FRMPD4: variants seen among roughly 807,000 people sequenced by gnomAD.
FRMPD4 encodes the protein FERM and PDZ domain-containing protein 4.
FRMPD4 carries 22 observed loss-of-function variants against 94.1 expected under a neutral mutation model. The ratio of observed to expected loss-of-function variants is 0.23; its 90% confidence interval spans 0.17 to 0.33. The LOEUF is 0.33. Ranked by LOEUF, FRMPD4 falls within the 10% of genes least tolerant of loss-of-function variation. The pLI, the probability that FRMPD4 is intolerant of heterozygous loss-of-function variation, is 1.00. For synonymous variants in FRMPD4, 631 were observed against 548.6 expected (o/e 1.15, Z -2.10); for missense variants, 1,111 against 1,339.9 (o/e 0.83, Z 2.67).
intron 1 of FRMPD4, among the ~76,000 whole-genome samples, chrX:12,470,252 A>G (rs2057495075): frequency 8.9e-6 from 1 of 112,178 alleles, no homozygotes; most frequent in Non-Finnish European, 1.9e-5. Context: ...CTTTCTGTTC[A>G]AACACAATTG....
At chrX:11,983,956 T>G (rs1041691745) in intron 3 of FRMPD4, among the ~76,000 whole-genome samples, 4 of 112,039 alleles carry the variant, frequency 3.6e-5, no homozygotes, top group Non-Finnish European at 7.5e-5. Flanking sequence ...AATTTAACCA[T>G]GCCAGTGTAG....
chrX:12,238,189 A>G (rs985192339), intron 1 of FRMPD4, among the ~76,000 whole-genome samples: 1 of 111,660 alleles, frequency 9.0e-6, no homozygotes, highest in African/African-American at 3.3e-5. Context: ...CAATGGTGCC[A>G]TCTCAGCTCA....
chrX:12,204,761 C>A (rs148123153), intron 1 of FRMPD4, among the ~76,000 whole-genome samples: 3,076 of 110,839 alleles, frequency 0.028, 108 homozygotes, highest in African/African-American at 0.096. Flanking sequence ...TTTAAACATT[C>A]TCCTCTTTCT....
intron 3 of FRMPD4, among the ~76,000 whole-genome samples, chrX:11,886,994 C>T (rs1293444903): frequency 9.0e-6 from 1 of 111,130 alleles, no homozygotes; most frequent in Non-Finnish European, 1.9e-5. Flanking sequence ...AGCATTCTCA[C>T]AATCATCTAG....
intron 3 of FRMPD4, among the ~76,000 whole-genome samples, chrX:12,129,257 G>T (rs1233517399): frequency 1.8e-5 from 2 of 111,876 alleles, no homozygotes; most frequent in Admixed American, 1.9e-4. Context: ...AATTCTGCAT[G>T]GTTGGGGAGG....
chrX:12,080,257 C>A (rs1025925958), intron 3 of FRMPD4, among the ~76,000 whole-genome samples: 1 of 112,532 alleles, frequency 8.9e-6, no homozygotes, highest in Admixed American at 9.4e-5. Context: ...ACATTGCAGT[C>A]TTGGTTTACA....
In FRMPD4 at chrX:12,717,682, G is replaced by A. The variant is rs369394097; in HGVS notation, c.2856G>A (p.Glu952=). 1.9e-5 allele frequency: 23 copies of A among 1,209,939 alleles called. No homozygotes were observed. In the African/African-American group the frequency reaches 3.8e-4, roughly 20 times the overall value. Residue 952 remains glutamate, a synonymous_variant, in exon 16 of 17, where the codon GAG becomes GAA. Transcript: ENST00000675598. The part of the protein sequence containing the change: ...GYHPLAEEQT[E]FPASKTPAGG... The stretch of plus-strand genomic sequence containing the variant: ...ACCCCCTTGCAGAAGAGCAGACCGA[G>A]TTCCCGGCCTCCAAGACCCCCGCTG...
intron 3 of FRMPD4, among the ~76,000 whole-genome samples, chrX:11,908,725 C>T (rs1170974464): frequency 8.9e-6 from 1 of 111,961 alleles, no homozygotes; most frequent in Non-Finnish European, 1.9e-5. Context: ...ACTAGTTTTT[C>T]ATGAATAAAT....
chrX:12,718,348 C>T lies in FRMPD4; in HGVS notation c.3522C>T (p.Cys1174=), dbSNP rs775346589. The T allele has an allele frequency of 1.4e-5, 17 of 1,210,019 alleles. No homozygotes were observed. In the Admixed American group the frequency reaches 1.5e-4, roughly 11 times the overall value. Residue 1174 remains cysteine, a synonymous_variant, in exon 16 of 17, where the codon TGC becomes TGT. Coordinates refer to ENST00000675598, the MANE Select transcript of FRMPD4 (RefSeq NM_001368397.1). ...CAGAGGACGCTGACTCGTCCACCTG[C>T]GACCATCCTTCCAAGCTTCCTGAGG... The part of the protein sequence containing the change: ...DNPEDADSST[C]DHPSKLPEAD...
At chrX:11,959,993 G>T (rs1311611481) in intron 3 of FRMPD4, among the ~76,000 whole-genome samples, 4 of 110,910 alleles carry the variant, frequency 3.6e-5, no homozygotes, top group Non-Finnish European at 7.6e-5. Flanking sequence ...CAAATGATGG[G>T]GCATCACAAG....
At chrX:11,853,040 T>A (rs1241409939) in intron 1 of FRMPD4, among the ~76,000 whole-genome samples, 1 of 112,058 alleles carries the variant, frequency 8.9e-6, no homozygotes, top group East Asian at 2.8e-4. Flanking sequence ...AGTACTGAAA[T>A]CATAACAGTC....
chrX:11,948,069 A>G (rs776249620), intron 3 of FRMPD4, among the ~76,000 whole-genome samples: 1 of 90,161 alleles, frequency 1.1e-5, no homozygotes, highest in Admixed American at 1.3e-4. Flanking sequence ...CAGCCTGGGC[A>G]ACAAGAGTGA....
intron 1 of FRMPD4, among the ~76,000 whole-genome samples, chrX:12,372,320 C>T (rs2056173950): frequency 8.8e-6 from 1 of 113,244 alleles, no homozygotes; most frequent in Admixed American, 9.3e-5. Flanking sequence ...TGAACAAAAG[C>T]ATCGCCTGAG....
chrX:11,963,400 T>A (rs1392208599), intron 3 of FRMPD4, among the ~76,000 whole-genome samples: 1 of 112,513 alleles, frequency 8.9e-6, no homozygotes, highest in Non-Finnish European at 1.9e-5. Flanking sequence ...ATTAGTAGAT[T>A]TCAGTCCTGT....
At chrX:11,849,837 A>G (rs1367663873) in intron 1 of FRMPD4, among the ~76,000 whole-genome samples, 1 of 111,610 alleles carries the variant, frequency 9.0e-6, no homozygotes, top group South Asian at 3.7e-4. Flanking sequence ...TGAAGCAAAC[A>G]TAGGAGAAAA....
At chrX:12,637,131 C>A (rs2059450227) in intron 4 of FRMPD4, among the ~76,000 whole-genome samples, 1 of 111,968 alleles carries the variant, frequency 8.9e-6, no homozygotes, top group Non-Finnish European at 1.9e-5. Flanking sequence ...CTGATATGTC[C>A]AATTCAAATG....
At chrX:12,607,509 G>A (rs1004817737) in intron 2 of FRMPD4, among the ~76,000 whole-genome samples, 2 of 111,565 alleles carry the variant, frequency 1.8e-5, no homozygotes, top group Non-Finnish European at 3.8e-5. Context: ...TGAATGAGAG[G>A]CTCCACATTT....
intron 1 of FRMPD4, among the ~76,000 whole-genome samples, chrX:12,253,636 TTAAAA>T (rs1371823765): frequency 3.6e-5 from 4 of 112,071 alleles, no homozygotes; most frequent in Non-Finnish European, 7.5e-5. Flanking sequence ...GTATTTTTAG[TTAAAA>T]TAATTGGATA....
chrX:12,513,420 C>T lies in FRMPD4; in HGVS notation c.158+14624C>T, dbSNP rs753761467. On this transcript the variant is annotated intron_variant, in intron 2 of 16. Transcript: ENST00000675598. Reference sequence around the variant, plus strand: ...AAGATCTAAGGAAGGGGTCCAGTTTCAATTTTCTACATATGGCTAGCCAGT... The same window carrying T: ...AAGATCTAAGGAAGGGGTCCAGTTTTAATTTTCTACATATGGCTAGCCAGT... Among the ~76,000 whole-genome samples, 4 of 111,919 alleles carry T rather than the reference C, an allele frequency of 3.6e-5. No individual in the cohort carries two copies. In the South Asian group the frequency reaches 1.5e-3, roughly 42 times the overall value.
Sources: gnomAD v4.1 joint callset for allele counts (sites outside exome capture counted in the v4.1 genomes callset) on GRCh38, gnomAD v4.1.1 for gene constraint, MANE v1.5 for transcripts, NCBI Gene and HGNC (gene_info 2026-07-23, HGNC 2026-07-21) for gene names.